FBLIM1: variants seen among roughly 807,000 people sequenced by gnomAD.
FBLIM1 encodes the protein filamin binding LIM protein 1.
A neutral mutation model predicts 37.4 loss-of-function variants in FBLIM1; 29 were observed. The ratio of observed to expected loss-of-function variants is 0.77; its 90% CI spans 0.58 to 1.06. FBLIM1 has a LOEUF of 1.06. Among genes scored for constraint, FBLIM1 ranks in the 50% least tolerant of loss-of-function variants. FBLIM1 has a pLI of 0.00. For synonymous variants in FBLIM1, 193 were observed against 199.0 expected (o/e 0.97, Z 0.25); for missense variants, 449 against 505.6 (o/e 0.89, Z 1.07).
intron 8 of FBLIM1, 51 bp from the exon 9 acceptor site, chr1:15,784,497 C>A: frequency 6.8e-7 from 1 of 1,474,940 alleles, no homozygotes; most frequent in Non-Finnish European, 9.4e-7. Flanking sequence ...CTCCCCTGTG[C>A]AGGCAGCGCC....
At chr1:15,760,324 G>A (rs995441057) in intron 1 of FBLIM1, among the ~76,000 whole-genome samples, 3 of 152,034 alleles carry the variant, frequency 2.0e-5, no homozygotes, top group African/African-American at 7.3e-5. Context: ...GAGGTCAGGA[G>A]TTTGAGACCA....
chr1:15,765,303 G>T lies in FBLIM1; in HGVS notation c.250+70G>T. ...GGTGGGGAGGAAAGGGCAGGCTCCAGCGTCATTCATTCATTCATTATTCAT... is the reference window on the plus strand; with the variant it reads ...GGTGGGGAGGAAAGGGCAGGCTCCATCGTCATTCATTCATTCATTATTCAT... On this transcript the variant is annotated intron_variant, in intron 3 of 8. Coordinates refer to ENST00000375766, the MANE Select transcript of FBLIM1 (RefSeq NM_017556.4). This position sits in a 1 kb window ranked among gnomAD's most constrained non-coding sequence, Gnocchi z 5.9. 6.6e-7 allele frequency: 1 copy of T among 1,514,802 alleles called. No homozygotes were observed. 93.8% of individuals were successfully genotyped at this position (1,514,802 alleles called of 1,614,324 possible).
chr1:15,775,754 A>G (rs1274942690), intron 7 of FBLIM1, among the ~76,000 whole-genome samples: 1 of 151,978 alleles, frequency 6.6e-6, no homozygotes, highest in East Asian at 1.9e-4. Context: ...ATGATTGACC[A>G]CCCAGTAGAA....
At chr1:15,763,250 A>G (rs988328860) in intron 1 of FBLIM1, among the ~76,000 whole-genome samples, 2 of 151,690 alleles carry the variant, frequency 1.3e-5, no homozygotes, top group South Asian at 2.1e-4. Context: ...TTGTATTTTT[A>G]GTAGAGATGG....
chr1:15,766,856 G>A (rs1225116294), intron 3 of FBLIM1, among the ~76,000 whole-genome samples: 1 of 149,696 alleles, frequency 6.7e-6, no homozygotes, highest in African/African-American at 2.5e-5. Context: ...GTCCCCCAAA[G>A]TGCTGGGATT....
chr1:15,765,814 C>T lies in FBLIM1; in HGVS notation c.250+581C>T, dbSNP rs568814178. Among the ~76,000 whole-genome samples, 18 of 152,282 alleles carry T rather than the reference C, an allele frequency of 1.2e-4. No homozygotes were observed. Among genetic ancestry groups the T allele is most frequent in the African/African-American group, 3.9e-4 (16 of 41,552 alleles). ...TTTCTGCCCACCTGCCCTGTGGCCT[C>T]GGGTCCCCCTGCTTCTCTCTTGAAT... On this transcript the variant is annotated intron_variant, in intron 3 of 8. Transcript: ENST00000375766. The surrounding 1 kb of genome is among the most constrained non-coding windows in gnomAD (Gnocchi z 5.9).
In FBLIM1 at chr1:15,770,614, T is replaced by C. The variant is rs933551345; in HGVS notation, c.711+36T>C. 6 of 1,606,746 alleles carry C rather than the reference T, an allele frequency of 3.7e-6. No individual in the cohort carries two copies. In the African/African-American group the frequency reaches 6.7e-5, roughly 18 times the overall value. ...CAGCAGACCTCTGGGTGCCAGGCAG[T>C]GAGCTGAGCACTTAGAATATGTTGC... On this transcript the variant is annotated intron_variant, in intron 6 of 8. Coordinates refer to ENST00000375766, the MANE Select transcript of FBLIM1 (RefSeq NM_017556.4).
chr1:15,768,403 C>T, intron 4 of FBLIM1, 125 bp from the exon 5 acceptor site: 3 of 582,372 alleles, frequency 5.2e-6, no homozygotes, highest in Non-Finnish European at 8.5e-6. Flanking sequence ...CCCTTGCTTC[C>T]CTGGGCCTTG....
chr1:15,778,508 G>C (rs1173119801), intron 8 of FBLIM1, among the ~76,000 whole-genome samples: 3 of 152,220 alleles, frequency 2.0e-5, no homozygotes, highest in Non-Finnish European at 4.4e-5. Flanking sequence ...GGCAATGCTT[G>C]ACTGGGCCTT....
In FBLIM1 at chr1:15,768,531, C is replaced by T; in HGVS notation, c.442C>T (p.Pro148Ser). ...CTCCCCGTCTGCATCCCCACAGGCC[C>T]CAGCGGAGGGACCTTCAGTCCAGCC... is the stretch of plus-strand genomic sequence containing the variant. ...LSPPPPPPQA[P>S]AEGPSVQPGP... The change falls in exon 5 of 9, where the codon CCA (proline) becomes TCA (serine). Residue 148 changes from proline to serine, a missense_variant. By Grantham distance (74) the Pro-to-Ser change is moderately conservative. Transcript: ENST00000375766. 1 of 1,577,924 alleles carries T rather than the reference C, an allele frequency of 6.3e-7. No homozygotes were observed.
intron 7 of FBLIM1, among the ~76,000 whole-genome samples, chr1:15,775,639 C>G (rs1036101617): frequency 6.6e-6 from 1 of 152,110 alleles, no homozygotes; most frequent in African/African-American, 2.4e-5. Flanking sequence ...ACATGCCCTC[C>G]CTCCCCAAGT....
At chr1:15,762,861 G>A (rs12083988) in intron 1 of FBLIM1, among the ~76,000 whole-genome samples, 52,130 of 152,040 alleles carry the variant, frequency 0.34, 9,566 homozygotes, top group African/African-American at 0.48. Flanking sequence ...GCCAGGAATC[G>A]GGGGGTGCCT....
chr1:15,764,680 T>A lies in FBLIM1; in HGVS notation c.-26T>A, dbSNP rs568647627. 2.3e-5 allele frequency: 9 copies of A among 398,652 alleles called. No homozygotes were observed. The highest frequency in any genetic ancestry group is 3.6e-5 in the Non-Finnish European group (8 of 222,766). 24.7% of individuals were successfully genotyped at this position (398,652 alleles called of 1,614,324 possible). A position where few individuals can be genotyped will look rare whatever the true frequency, so the allele number is the denominator to read the frequency against. On this transcript the variant is annotated 5_prime_UTR_variant, in exon 2 of 9. Transcript: ENST00000375766. Reference sequence around the variant, plus strand: ...GCGGGTGTGAGACAAGGAAGAGTGATCATTGGTGAGGGCTGCCCTTTGCTC... The same window carrying A: ...GCGGGTGTGAGACAAGGAAGAGTGAACATTGGTGAGGGCTGCCCTTTGCTC...
At chr1:15,759,137 G>A (rs1323348281) in intron 1 of FBLIM1, among the ~76,000 whole-genome samples, 1 of 152,024 alleles carries the variant, frequency 6.6e-6, no homozygotes, top group Non-Finnish European at 1.5e-5. Context: ...CGGGGACCCG[G>A]CGCGCAGGGC....
intron 5 of FBLIM1, among the ~76,000 whole-genome samples, chr1:15,769,272 T>A (rs1435037036): frequency 6.7e-6 from 1 of 149,870 alleles, no homozygotes; most frequent in African/African-American, 2.5e-5. Context: ...AGGTCAGGAG[T>A]TCGAGATCCG....
chr1:15,780,129 G>A (rs945363848), intron 8 of FBLIM1, among the ~76,000 whole-genome samples: 2 of 151,964 alleles, frequency 1.3e-5, no homozygotes, highest in African/African-American at 2.4e-5. Context: ...AGGCTCAAGC[G>A]ATCCTCTCAC....
At chr1:15,768,791 C>G (rs572735397) in intron 5 of FBLIM1, among the ~76,000 whole-genome samples, 161 bp downstream of exon 5, 5 of 152,320 alleles carry the variant, frequency 3.3e-5, no homozygotes, top group Non-Finnish European at 7.4e-5. Flanking sequence ...ATTTGTATTG[C>G]TTTAGCCTTT....
At chr1:15,774,321 AG>A (rs1216052323) in intron 6 of FBLIM1, among the ~76,000 whole-genome samples, 1 of 152,184 alleles carries the variant, frequency 6.6e-6, no homozygotes, top group African/African-American at 2.4e-5. Context: ...GGTTTAAGCG[AG>A]GTTTCTCCTA....
intron 5 of FBLIM1, among the ~76,000 whole-genome samples, chr1:15,769,433 C>T (rs752868835): frequency 3.8e-4 from 57 of 151,340 alleles, no homozygotes; most frequent in Non-Finnish European, 2.2e-4. Context: ...GCTGAGATTG[C>T]GCCACTGCTC....
Sources: gnomAD v4.1 joint callset for allele counts (sites outside exome capture counted in the v4.1 genomes callset) on GRCh38, gnomAD v4.1.1 for gene constraint, Gnocchi (gnomAD v3.1) non-coding constraint, MANE v1.5 for transcripts, NCBI Gene and HGNC (gene_info 2026-07-23, HGNC 2026-07-21) for gene names.